PTH2R: variants seen among roughly 807,000 people sequenced by gnomAD.
PTH2R encodes PTH2 receptor.
PTH2R carries 59 observed loss-of-function variants against 60.3 expected under a neutral mutation model. The ratio of observed to expected loss-of-function variants is 0.98; its 90% CI spans 0.79 to 1.22. PTH2R has a LOEUF of 1.22. Among genes scored for constraint, PTH2R ranks in the 50% most tolerant of loss-of-function variants. The pLI, the probability that PTH2R is intolerant of heterozygous loss-of-function variation, is 0.00. For missense variants in PTH2R, 749 were observed against 682.6 expected (o/e 1.10, Z -1.08); for synonymous variants, 256 against 243.8 (o/e 1.05, Z -0.47).
intron 9 of PTH2R, among the ~76,000 whole-genome samples, chr2:208,464,772 G>T (rs1702707942): frequency 6.6e-6 from 1 of 152,216 alleles, no homozygotes; most frequent in South Asian, 2.1e-4. Flanking sequence ...CCAGTGCTTT[G>T]GTAGACATAG....
At chr2:208,483,374 G>A (rs1490312243) in intron 10 of PTH2R, among the ~76,000 whole-genome samples, 2 of 152,296 alleles carry the variant, frequency 1.3e-5, no homozygotes, top group East Asian at 3.9e-4. Flanking sequence ...TCTTCATAAA[G>A]TGGAAGAGTG....
intron 1 of PTH2R, among the ~76,000 whole-genome samples, chr2:208,390,645 ATAAT>A (rs1701092441): frequency 6.6e-6 from 1 of 152,244 alleles, no homozygotes; most frequent in African/African-American, 2.4e-5. Flanking sequence ...TATCAGGATA[ATAAT>A]TAAGCAAAAT....
intron 9 of PTH2R, among the ~76,000 whole-genome samples, chr2:208,470,201 T>A (rs1226190810): frequency 6.6e-6 from 1 of 152,172 alleles, no homozygotes; most frequent in Non-Finnish European, 1.5e-5. Flanking sequence ...GATCTTGAAT[T>A]TACCGGTTAG....
intron 1 of PTH2R, among the ~76,000 whole-genome samples, chr2:208,396,548 T>A (rs900549796): frequency 6.6e-6 from 1 of 152,044 alleles, no homozygotes; most frequent in East Asian, 1.9e-4. Flanking sequence ...AACAGACACA[T>A]GAAAAAATGC....
At chr2:208,441,199 CACTT>C (rs1272107045) in intron 4 of PTH2R, among the ~76,000 whole-genome samples, 5 of 152,180 alleles carry the variant, frequency 3.3e-5, no homozygotes, top group Admixed American at 3.3e-4. Context: ...CTCAGAGAAA[CACTT>C]ACGTTTCCTA....
At chr2:208,389,225 C>T (rs1454140300) in intron 1 of PTH2R, among the ~76,000 whole-genome samples, 1 of 106,050 alleles carries the variant, frequency 9.4e-6, no homozygotes, top group African/African-American at 3.6e-5. Context: ...AAAGGAAATG[C>T]ATACACACAC....
chr2:208,393,671 T>C (rs1476739022), intron 1 of PTH2R, among the ~76,000 whole-genome samples: 1 of 152,242 alleles, frequency 6.6e-6, no homozygotes, highest in Non-Finnish European at 1.5e-5. Flanking sequence ...AGGGTCTGAC[T>C]TAGCAGCAAC....
In PTH2R at chr2:208,489,039, G is replaced by C. The variant is rs780120111; in HGVS notation, c.1104G>C (p.Leu368=). The change falls in exon 11 of 13, where the codon CTG becomes CTC. Residue 368 remains leucine (L), a synonymous_variant. Coordinates refer to ENST00000272847, the MANE Select transcript of PTH2R (RefSeq NM_005048.4). ...YRKLAKSTLV[L]VLVFGVHYIV... Reference sequence around the variant, plus strand: ...AACTGGCCAAATCGACACTGGTCCTGGTCCTAGTCTTTGGAGTGCATTACA... The same window carrying C: ...AACTGGCCAAATCGACACTGGTCCTCGTCCTAGTCTTTGGAGTGCATTACA... 1.2e-6 allele frequency: 2 copies of C among 1,613,964 alleles called. No individual in the cohort carries two copies. The highest frequency in any genetic ancestry group is 1.7e-6 in the Non-Finnish European group (2 of 1,180,010).
intron 1 of PTH2R, among the ~76,000 whole-genome samples, chr2:208,408,352 G>A (rs1701461247): frequency 6.6e-6 from 1 of 152,114 alleles, no homozygotes; most frequent in South Asian, 2.1e-4. Flanking sequence ...TTCCATGATC[G>A]TTATAGAACT....
intron 8 of PTH2R, among the ~76,000 whole-genome samples, chr2:208,456,315 G>A (rs1357687086): frequency 2.6e-5 from 4 of 152,042 alleles, no homozygotes; most frequent in Non-Finnish European, 4.4e-5. Context: ...AAATTAAAAA[G>A]TGAGCAATTT....
chr2:208,378,786 T>C lies in PTH2R; in HGVS notation c.-259+18549T>C, dbSNP rs573354503. ...CACCCAGTCTAAGGTATTTTTGTTA[T>C]AGCAGCCTGAATGGACTCAGGCGGT... On this transcript the variant is annotated intron_variant, in intron 1 of 12. Transcript: ENST00000617735. Among the ~76,000 whole-genome samples the C allele has an allele frequency of 8.5e-5, 13 of 152,254 alleles. No homozygotes were observed. In the East Asian group the frequency reaches 2.5e-3, roughly 29 times the overall value.
chr2:208,376,913 C>T (rs1182898700), intron 1 of PTH2R, among the ~76,000 whole-genome samples: 2 of 150,632 alleles, frequency 1.3e-5, no homozygotes, highest in Non-Finnish European at 2.9e-5. Context: ...TTGGGTGTTT[C>T]TCGCAGAGGG....
At chr2:208,422,111 T>A (rs116495035) in intron 1 of PTH2R, among the ~76,000 whole-genome samples, 85 of 152,276 alleles carry the variant, frequency 5.6e-4, no homozygotes, top group African/African-American at 1.9e-3. Flanking sequence ...ATGGCATAAA[T>A]CTCATTTTGA....
chr2:208,370,549 A>G (rs1700680713), intron 1 of PTH2R, among the ~76,000 whole-genome samples: 1 of 150,158 alleles, frequency 6.7e-6, no homozygotes. Flanking sequence ...TATTCCCACG[A>G]CTGGGAGACT....
chr2:208,381,741 A>G (rs972062751), intron 1 of PTH2R, among the ~76,000 whole-genome samples: 2 of 152,100 alleles, frequency 1.3e-5, no homozygotes, highest in African/African-American at 2.4e-5. Flanking sequence ...TGTACAATCA[A>G]TACCCTGTCC....
intron 7 of PTH2R, among the ~76,000 whole-genome samples, chr2:208,446,466 T>G (rs545271795): frequency 1.3e-5 from 2 of 152,342 alleles, no homozygotes; most frequent in South Asian, 4.1e-4. Flanking sequence ...TGAAATAGTT[T>G]GAGAACACAC....
rs771436777 is a variant in PTH2R, at chr2:208,445,173, T to C, written c.853+286T>C. On this transcript the variant is annotated intron_variant, in intron 7 of 12. Coordinates refer to ENST00000272847, the MANE Select transcript of PTH2R (RefSeq NM_005048.4). ...ATATAAGAGAACTCATTGTAAGCCATACACATGTACAACTAAATGTCAGTG... is the reference window on the plus strand; with the variant it reads ...ATATAAGAGAACTCATTGTAAGCCACACACATGTACAACTAAATGTCAGTG... 2.0e-5 allele frequency among the ~76,000 whole-genome samples: 3 copies of C among 152,200 alleles called. No homozygotes were observed. In the South Asian group the frequency reaches 6.2e-4, roughly 32 times the overall value.
At chr2:208,411,913 C>T (rs1479013985) in intron 1 of PTH2R, among the ~76,000 whole-genome samples, 1 of 152,138 alleles carries the variant, frequency 6.6e-6, no homozygotes. Context: ...CAAAAGATGT[C>T]AGCTCTTTCC....
At chr2:208,395,625 C>A (rs186108084) in intron 1 of PTH2R, among the ~76,000 whole-genome samples, 4 of 151,980 alleles carry the variant, frequency 2.6e-5, no homozygotes, top group African/African-American at 4.8e-5. Flanking sequence ...AGTATGAGAC[C>A]GAGGATAGAA....
Sources: allele counts gnomAD v4.1 joint callset (sites outside exome capture counted in the v4.1 genomes callset), GRCh38; gene constraint gnomAD v4.1.1; transcripts MANE v1.5; gene names NCBI Gene and HGNC (gene_info 2026-07-23, HGNC 2026-07-21).